DEPTOR: variants seen among roughly 807,000 people sequenced by gnomAD.
The protein encoded by DEPTOR is DEP domain containing MTOR interacting protein.
DEPTOR carries 41 observed loss-of-function variants against 41.6 expected under a neutral mutation model. That is an observed-to-expected ratio of 0.98 (90% confidence interval 0.77 to 1.28). The LOEUF (loss-of-function observed/expected upper bound fraction) is 1.28, where lower values mean the gene tolerates loss of function less well. Ranked by LOEUF, DEPTOR falls within the 50% of genes most tolerant of loss-of-function variation. DEPTOR has a pLI of 0.00. For synonymous variants in DEPTOR, 195 were observed against 192.3 expected (o/e 1.01, Z -0.12); for missense variants, 514 against 527.9 (o/e 0.97, Z 0.26).
At chr8:119,889,197 G>A (rs1012257427) in intron 1 of DEPTOR, among the ~76,000 whole-genome samples, 9 of 151,986 alleles carry the variant, frequency 5.9e-5, no homozygotes, top group African/African-American at 2.2e-4. Flanking sequence ...TGGCAAAGAA[G>A]GACACTTAAA....
At chr8:119,954,053 G>T (rs999372837) in intron 3 of DEPTOR, among the ~76,000 whole-genome samples, 4 of 150,694 alleles carry the variant, frequency 2.7e-5, no homozygotes, top group Non-Finnish European at 5.9e-5. Context: ...TGATCCACCC[G>T]CCTTGGCCTC....
At chr8:119,890,103 T>C (rs918165258) in intron 1 of DEPTOR, among the ~76,000 whole-genome samples, 2 of 152,030 alleles carry the variant, frequency 1.3e-5, no homozygotes, top group Non-Finnish European at 2.9e-5. Flanking sequence ...AAGCTGGGAT[T>C]ACGGGCATGG....
chr8:120,040,907 G>A (rs1201204531), intron 8 of DEPTOR, among the ~76,000 whole-genome samples: 13 of 152,122 alleles, frequency 8.5e-5, no homozygotes, highest in Admixed American at 8.5e-4. Flanking sequence ...TCTGCTTTCT[G>A]TATCATTTAA....
intron 8 of DEPTOR, among the ~76,000 whole-genome samples, chr8:120,023,317 T>C (rs1201065354): frequency 2.0e-5 from 3 of 152,156 alleles, no homozygotes; most frequent in Non-Finnish European, 4.4e-5. Context: ...CTTGGCTCAC[T>C]GCAAACTCTG....
chr8:119,877,992 C>T (rs774522328), intron 1 of DEPTOR, among the ~76,000 whole-genome samples: 6 of 152,086 alleles, frequency 3.9e-5, no homozygotes, highest in African/African-American at 9.7e-5. Context: ...AGTGCAATGG[C>T]GCGATCTCGG....
rs1282897659 is a variant in DEPTOR at position 119,921,748 on chromosome 8, G to GTTTTTTTT, written c.123-6648_123-6641dup. Among the ~76,000 whole-genome samples, 61 of 131,164 alleles carry GTTTTTTTT rather than the reference G, an allele frequency of 4.7e-4. 4 individuals carry two copies. The highest frequency in any genetic ancestry group is 6.0e-4 in the African/African-American group (20 of 33,586). The allele number at this position is 131,164 out of a possible 152,430, so 86.0% of individuals were successfully genotyped here. Reference sequence around the variant, plus strand: ...GGTAACTGAAAGGTTCTATTCTGTAGTTTTTTTTTTTGTTTGTTTGTTTGT... The same window carrying GTTTTTTTT: ...GGTAACTGAAAGGTTCTATTCTGTAGTTTTTTTTTTTTTTTTTTTGTTTGTTTGTTTGT... On this transcript the variant is annotated intron_variant, in intron 1 of 8. Coordinates refer to ENST00000286234, the MANE Select transcript of DEPTOR (RefSeq NM_022783.4).
intron 8 of DEPTOR, among the ~76,000 whole-genome samples, chr8:120,045,210 GAGTGAGACTGTCTT>G (rs562952735): frequency 3.8e-4 from 58 of 152,306 alleles, no homozygotes; most frequent in African/African-American, 1.3e-3. Context: ...GAACGCAAGG[GAGTGAGACTGTCTT>G]TATGCCTAGG....
chr8:119,976,546 T>C (rs537291635), intron 4 of DEPTOR, among the ~76,000 whole-genome samples: 1 of 152,120 alleles, frequency 6.6e-6, no homozygotes, highest in Non-Finnish European at 1.5e-5. Flanking sequence ...TTTAAATATA[T>C]GGCAGAGCCA....
At position 119,978,486 on chromosome 8, in the gene DEPTOR, T is replaced by G. The variant is rs921692229; in HGVS notation, c.604+13076T>G. Among the ~76,000 whole-genome samples the G allele has an allele frequency of 2.6e-5, 4 of 152,290 alleles. No individual in the cohort carries two copies. In the South Asian group the frequency reaches 8.3e-4, roughly 32 times the overall value. On this transcript the variant is annotated intron_variant, in intron 4 of 8. Coordinates refer to ENST00000286234, the MANE Select transcript of DEPTOR (RefSeq NM_022783.4). ...GTTCCAGTTCCTGATGAACGTGAGC[T>G]AGATCATACTCGTCAATGGGAGGCG... is the stretch of plus-strand genomic sequence containing the variant.
Position 119,926,323 on chromosome 8 carries a change from A to G in DEPTOR, c.123-2077A>G, listed in dbSNP as rs185784461. On this transcript the variant is annotated intron_variant, in intron 1 of 8. Coordinates refer to ENST00000286234, the MANE Select transcript of DEPTOR (RefSeq NM_022783.4). The stretch of plus-strand genomic sequence containing the variant: ...AAAAATCACACAACTAGCTTTCCCT[A>G]GAAGAGGAAGCCCTAAGGACTCAAA... Among the ~76,000 whole-genome samples, 9 of 152,266 alleles carry G rather than the reference A, an allele frequency of 5.9e-5. No individual in the cohort carries two copies. In the East Asian group the frequency reaches 1.5e-3, roughly 26 times the overall value.
At chr8:119,954,085 C>T (rs530881759) in intron 3 of DEPTOR, among the ~76,000 whole-genome samples, 248 of 151,608 alleles carry the variant, frequency 1.6e-3, no homozygotes, top group African/African-American at 5.7e-3. Context: ...TGATTACAGG[C>T]GTGAGCCACC....
chr8:119,920,320 T>C (rs1329491339), intron 1 of DEPTOR, among the ~76,000 whole-genome samples: 2 of 152,192 alleles, frequency 1.3e-5, no homozygotes, highest in East Asian at 1.9e-4. Flanking sequence ...ATTGCAACAA[T>C]AAATAAGCAG....
At chr8:120,002,851 T>C in intron 5 of DEPTOR, 126 bp from the exon 6 acceptor site, 1 of 961,332 alleles carries the variant, frequency 1.0e-6, no homozygotes, top group Middle Eastern at 3.2e-4. Context: ...CAAGTTCTTG[T>C]TTTTCTGCCA....
At chr8:119,968,320 C>A (rs1208113824) in intron 4 of DEPTOR, among the ~76,000 whole-genome samples, 2 of 151,342 alleles carry the variant, frequency 1.3e-5, no homozygotes, top group Non-Finnish European at 2.9e-5. Context: ...GAGCTACCTT[C>A]TTTTATTATT....
intron 1 of DEPTOR, among the ~76,000 whole-genome samples, chr8:119,884,554 A>G (rs1032828147): frequency 7.1e-6 from 1 of 140,472 alleles, no homozygotes; most frequent in Non-Finnish European, 1.5e-5. Flanking sequence ...GAAAAAAAAT[A>G]CTTTTAAAGG....
intron 4 of DEPTOR, among the ~76,000 whole-genome samples, chr8:119,985,238 G>A (rs1429270031): frequency 6.6e-6 from 1 of 152,044 alleles, no homozygotes. Flanking sequence ...ACTTTTTAAT[G>A]ATCGCCATTC....
chr8:119,936,173 A>G (rs1828110684), intron 3 of DEPTOR, among the ~76,000 whole-genome samples: 1 of 152,172 alleles, frequency 6.6e-6, no homozygotes, highest in Non-Finnish European at 1.5e-5. Context: ...TGCTTCCTTC[A>G]ATTTCTTTTC....
chr8:120,001,386 G>A, intron 4 of DEPTOR, 139 bp from the exon 5 acceptor site: 1 of 704,156 alleles, frequency 1.4e-6, no homozygotes, highest in South Asian at 3.0e-5. Flanking sequence ...GGGCGGATGG[G>A]CGGCAGCTCA....
intron 1 of DEPTOR, among the ~76,000 whole-genome samples, chr8:119,887,878 G>A (rs764904911): frequency 3.0e-4 from 46 of 151,896 alleles, no homozygotes; most frequent in Admixed American, 5.9e-4. Flanking sequence ...TGGAGTGCAG[G>A]GGCATGATCA....
Sources: allele counts gnomAD v4.1 joint callset (sites outside exome capture counted in the v4.1 genomes callset), GRCh38; gene constraint gnomAD v4.1.1; transcripts MANE v1.5; gene names NCBI Gene and HGNC (gene_info 2026-07-23, HGNC 2026-07-21).